PXDNL: variants seen among roughly 807,000 people sequenced by gnomAD.
PXDNL encodes the protein probable oxidoreductase PXDNL.
PXDNL carries 145 observed loss-of-function variants against 150.8 expected under a neutral mutation model. The ratio of observed to expected loss-of-function variants is 0.96; its 90% CI spans 0.84 to 1.10. The LOEUF (loss-of-function observed/expected upper bound fraction) is 1.10. Ranked by LOEUF, PXDNL falls within the 50% of genes least tolerant of loss-of-function variation. The pLI is 0.00. For synonymous variants in PXDNL, 757 were observed against 725.7 expected (o/e 1.04, Z -0.69); for missense variants, 2,087 against 1,873.9 (o/e 1.11, Z -2.10).
At chr8:51,695,759 A>G (rs1292317455) in intron 1 of PXDNL, among the ~76,000 whole-genome samples, 2 of 152,228 alleles carry the variant, frequency 1.3e-5, no homozygotes, top group Non-Finnish European at 2.9e-5. Context: ...AGAAAAGCTA[A>G]GATGACTCTG....
At chr8:51,689,627 GC>G (rs1404349013) in intron 1 of PXDNL, among the ~76,000 whole-genome samples, 2 of 151,480 alleles carry the variant, frequency 1.3e-5, no homozygotes, top group Admixed American at 1.3e-4. Flanking sequence ...ACCCCAGTGC[GC>G]CCTATGCTGA....
chr8:51,458,009 A>G (rs1809973477), intron 8 of PXDNL, among the ~76,000 whole-genome samples: 1 of 152,212 alleles, frequency 6.6e-6, no homozygotes, highest in African/African-American at 2.4e-5. Flanking sequence ...CCCACTTTTC[A>G]GAAAAGAAAT....
At chr8:51,526,144 A>C (rs575953637) in intron 4 of PXDNL, among the ~76,000 whole-genome samples, 20 of 152,294 alleles carry the variant, frequency 1.3e-4, no homozygotes, top group South Asian at 4.1e-4. Context: ...CAATCACAGG[A>C]GTCCTGGATC....
At chr8:51,519,270 G>A (rs13262608) in intron 4 of PXDNL, among the ~76,000 whole-genome samples, 29,444 of 152,018 alleles carry the variant, frequency 0.19, 3,391 homozygotes, top group African/African-American at 0.31. Context: ...GGCCGGGTGC[G>A]GTGGCTCACC....
intron 9 of PXDNL, among the ~76,000 whole-genome samples, chr8:51,455,271 G>C (rs1157833849): frequency 6.6e-6 from 1 of 152,066 alleles, no homozygotes; most frequent in African/African-American, 2.4e-5. Flanking sequence ...TGTGGAAGAA[G>C]GAGTAGCACT....
chr8:51,721,665 C>A, intron 1 of PXDNL: 1 of 445,018 alleles, frequency 2.2e-6, no homozygotes, highest in South Asian at 1.8e-5. Flanking sequence ...AAGAAGTTGA[C>A]TCAATTCACT....
intron 6 of PXDNL, among the ~76,000 whole-genome samples, chr8:51,481,321 T>G (rs1223066142): frequency 6.6e-6 from 1 of 152,212 alleles, no homozygotes; most frequent in Non-Finnish European, 1.5e-5. Flanking sequence ...CCTAGAGATC[T>G]GTGGAAATTT....
intron 5 of PXDNL, among the ~76,000 whole-genome samples, chr8:51,495,610 C>T (rs1348503483): frequency 6.6e-6 from 1 of 152,144 alleles, no homozygotes; most frequent in Non-Finnish European, 1.5e-5. Flanking sequence ...CACCACCGAT[C>T]CCACAGACAC....
chr8:51,682,381 C>T (rs1374328436), intron 1 of PXDNL, among the ~76,000 whole-genome samples: 1 of 152,152 alleles, frequency 6.6e-6, no homozygotes, highest in Non-Finnish European at 1.5e-5. Flanking sequence ...AATCTTACAG[C>T]ATGTCTTTTG....
chr8:51,677,036 T>A (rs1166841537), intron 1 of PXDNL, among the ~76,000 whole-genome samples: 4 of 152,220 alleles, frequency 2.6e-5, no homozygotes, highest in African/African-American at 9.6e-5. Context: ...ACAGTTCCAG[T>A]TGCAGTAGCT....
intron 2 of PXDNL, among the ~76,000 whole-genome samples, chr8:51,625,971 T>C (rs1437549974): frequency 6.6e-6 from 1 of 152,210 alleles, no homozygotes; most frequent in Non-Finnish European, 1.5e-5. Context: ...TAGAATTTCA[T>C]TGTACCATAC....
At chr8:51,781,941 T>C (rs1235262944) in intron 1 of PXDNL, among the ~76,000 whole-genome samples, 1 of 152,210 alleles carries the variant, frequency 6.6e-6, no homozygotes, top group Non-Finnish European at 1.5e-5. Flanking sequence ...ATCCTCCTCA[T>C]GGTGACTTCC....
intron 1 of PXDNL, among the ~76,000 whole-genome samples, chr8:51,802,390 G>T (rs899003733): frequency 4.6e-5 from 7 of 152,136 alleles, no homozygotes; most frequent in African/African-American, 1.7e-4. Flanking sequence ...CCCACAATCT[G>T]CAGGTCACAT....
Position 51,320,888 on chromosome 8 carries a change from G to C in PXDNL, c.4156C>G (p.Leu1386Val). ...CCTGCCTGCCTCAGGCGTGCCTCCA[G>C]CTTGTTTATCTGAAAGGGGAGGCAA... is the stretch of plus-strand genomic sequence containing the variant. ...ITALREQINKLEARLRQAGCT... is the reference protein window; with the variant it reads ...ITALREQINKVEARLRQAGCT... Residue 1386 changes from leucine (L) to valine (V), a missense_variant, in exon 22 of 23, where the codon CTG becomes GTG. Transcript: ENST00000356297. 8 of 1,612,992 alleles carry C rather than the reference G, an allele frequency of 5.0e-6. No individual in the cohort carries two copies. The highest frequency in any genetic ancestry group is 1.3e-5 in the African/African-American group (1 of 74,964).
intron 1 of PXDNL, among the ~76,000 whole-genome samples, chr8:51,800,903 TA>T (rs1263440382): frequency 6.6e-6 from 1 of 152,146 alleles, no homozygotes; most frequent in African/African-American, 2.4e-5. Context: ...AATCTGATTG[TA>T]AAACACGGGT....
Position 51,320,821 on chromosome 8 carries a change from C to T in PXDNL, c.4223G>A (p.Arg1408His), listed in dbSNP as rs201816215. The T allele has an allele frequency of 7.1e-5, 114 of 1,613,760 alleles. No individual in the cohort carries two copies. The East Asian group carries it at 9.4e-4, about 13-fold the overall frequency. ...GTGAGTGCAGTCTTCTTTCATCCAGCGCTCCTCGGCCTTCCTTGGAACCCC... is the reference window on the plus strand; with the variant it reads ...GTGAGTGCAGTCTTCTTTCATCCAGTGCTCCTCGGCCTTCCTTGGAACCCC... ...VRGVPRKAEE[R>H]WMKEDCTHCI... Residue 1408 changes from arginine to histidine, a missense_variant, in exon 22 of 23, where the codon CGC becomes CAC. By Grantham distance (29) the Arg-to-His change is conservative. Coordinates refer to ENST00000356297, the MANE Select transcript of PXDNL (RefSeq NM_144651.5).
intron 1 of PXDNL, among the ~76,000 whole-genome samples, chr8:51,783,541 A>AG (rs1307035906): frequency 6.6e-6 from 1 of 152,242 alleles, no homozygotes; most frequent in Non-Finnish European, 1.5e-5. Context: ...GAAGCCAAAA[A>AG]GATAACACAA....
At chr8:51,362,332 T>C (rs1806778937) in intron 19 of PXDNL, among the ~76,000 whole-genome samples, 1 of 152,202 alleles carries the variant, frequency 6.6e-6, no homozygotes, top group Non-Finnish European at 1.5e-5. Context: ...TAATTTTAGC[T>C]AAGAAATAGT....
At chr8:51,682,362 G>A (rs1815768566) in intron 1 of PXDNL, among the ~76,000 whole-genome samples, 1 of 152,190 alleles carries the variant, frequency 6.6e-6, no homozygotes, top group East Asian at 1.9e-4. Flanking sequence ...AATAGGCAAT[G>A]ACACCAAGAA....
Sources: allele counts gnomAD v4.1 joint callset (sites outside exome capture counted in the v4.1 genomes callset), GRCh38; gene constraint gnomAD v4.1.1; transcripts MANE v1.5; gene names NCBI Gene and HGNC (gene_info 2026-07-23, HGNC 2026-07-21).